The following DYNC2LI1 variants were observed in gnomAD, a reference collection of about 807,000 sequenced individuals.
The protein encoded by DYNC2LI1 is cytoplasmic dynein 2 light intermediate chain 1.
In DYNC2LI1, 45 loss-of-function variants were observed where a neutral mutation model predicts 51.9. That is an observed-to-expected ratio of 0.87 (90% CI 0.68 to 1.11). The LOEUF is 1.11. Ranked by LOEUF, DYNC2LI1 falls within the 50% of genes most tolerant of loss-of-function variation. The pLI, the probability that DYNC2LI1 is intolerant of heterozygous loss-of-function variation, is 0.00. For synonymous variants in DYNC2LI1, 130 were observed against 137.8 expected, an observed-to-expected ratio of 0.94 and a Z score of 0.40; for missense variants, 490 against 417.4, an observed-to-expected ratio of 1.17 and a Z score of -1.51.
intron 4 of DYNC2LI1, among the ~76,000 whole-genome samples, chr2:43,787,709 T>C (rs548108788): frequency 1.3e-5 from 2 of 152,286 alleles, no homozygotes; most frequent in Admixed American, 6.5e-5. Flanking sequence ...AATGTCTCTT[T>C]AGAGGAACAT....
At chr2:43,794,921 G>A in intron 6 of DYNC2LI1, 1 of 1,340,726 alleles carries the variant, frequency 7.5e-7, no homozygotes, top group South Asian at 2.2e-5. Context: ...GTTTGATATT[G>A]ATTTTATAAT....
At chr2:43,780,267 A>AT (rs889580887) in intron 2 of DYNC2LI1, among the ~76,000 whole-genome samples, 1 of 152,030 alleles carries the variant, frequency 6.6e-6, no homozygotes, top group Non-Finnish European at 1.5e-5. Context: ...GGAAGTGACC[A>AT]TGGCAGAAGC....
intron 2 of DYNC2LI1, among the ~76,000 whole-genome samples, chr2:43,781,101 T>C (rs1257631178): frequency 6.6e-6 from 1 of 152,138 alleles, no homozygotes; most frequent in African/African-American, 2.4e-5. Flanking sequence ...GCGTGGTGGC[T>C]CAAGACTGTA....
chr2:43,792,432 AACCAT>A (rs1231434215), intron 5 of DYNC2LI1, among the ~76,000 whole-genome samples: 1 of 152,196 alleles, frequency 6.6e-6, no homozygotes, highest in Non-Finnish European at 1.5e-5. Flanking sequence ...TATAATCCTA[AACCAT>A]CAAGGATTAT....
chr2:43,794,558 T>C lies in DYNC2LI1; in HGVS notation c.422T>C (p.Val141Ala), dbSNP rs953304636. The change falls in exon 6 of 13, where the codon GTG (valine) becomes GCG (alanine). Residue 141 changes from valine (V) to alanine (A), a missense_variant. By Grantham distance (64) the Val-to-Ala change is moderately conservative. Transcript: ENST00000260605. ...LQATKSHVDK[V>A]IMKLGKTNAK... is the part of the protein sequence containing the mutation. ...GCCACAAAAAGCCATGTAGACAAAG[T>C]GATAATGAAACTGGGAAAGACAAAT... 5 of 1,613,924 alleles carry C rather than the reference T, an allele frequency of 3.1e-6. No homozygotes were observed. In the African/African-American group the frequency reaches 6.7e-5, roughly 22 times the overall value.
intron 4 of DYNC2LI1, among the ~76,000 whole-genome samples, chr2:43,787,870 C>T (rs77470833): frequency 5.9e-4 from 90 of 152,220 alleles, no homozygotes; most frequent in African/African-American, 1.9e-3. Context: ...TAGAATGGAG[C>T]ATCCCGCTAC....
chr2:43,778,185 C>T (rs1264139786), intron 2 of DYNC2LI1, among the ~76,000 whole-genome samples: 1 of 152,036 alleles, frequency 6.6e-6, no homozygotes, highest in Non-Finnish European at 1.5e-5. Flanking sequence ...TTTTTTGAGA[C>T]AGGGTCTCGC....
chr2:43,788,710 C>G (rs1558676337), intron 4 of DYNC2LI1, among the ~76,000 whole-genome samples: 4 of 152,142 alleles, frequency 2.6e-5, no homozygotes, highest in Admixed American at 2.6e-4. Context: ...GCCTCAAACT[C>G]CTGGGCTCAA....
chr2:43,789,109 G>A (rs1673657951), intron 4 of DYNC2LI1, among the ~76,000 whole-genome samples: 2 of 152,180 alleles, frequency 1.3e-5, no homozygotes, highest in Non-Finnish European at 2.9e-5. Context: ...CAAATCGTCT[G>A]CTTATACTTT....
the DYNC2LI1 span, among the ~76,000 whole-genome samples, chr2:43,819,260 T>C: frequency 6.6e-6 from 1 of 152,162 alleles, no homozygotes; most frequent in Non-Finnish European, 1.5e-5. Flanking sequence ...CTGCCCTTTT[T>C]GCTGCTGCTT....
At chr2:43,798,252 A>G (rs764498799) in intron 8 of DYNC2LI1, among the ~76,000 whole-genome samples, 2 of 152,248 alleles carry the variant, frequency 1.3e-5, no homozygotes, top group Non-Finnish European at 2.9e-5. Flanking sequence ...AACTGAAAGT[A>G]ATATGTACAA....
chr2:43,794,730 A>T (rs1359556542), intron 6 of DYNC2LI1, 87 bp downstream of exon 6: 5 of 1,603,516 alleles, frequency 3.1e-6, no homozygotes, highest in Non-Finnish European at 4.3e-6. Flanking sequence ...TTAGATTTTT[A>T]TGCATGACTT....
chr2:43,823,868 G>A, the DYNC2LI1 span: 432 of 1,596,872 alleles, frequency 2.7e-4, 3 homozygotes, highest in East Asian at 9.0e-3. Context: ...GAGAAGGGAG[G>A]TATTTAGGGA....
Position 43,779,489 on chromosome 2 carries a change from G to A in DYNC2LI1, c.126+2590G>A, listed in dbSNP as rs538165267. On this transcript the variant is annotated intron_variant, in intron 2 of 12. Transcript: ENST00000260605. ...TATGCTAAGCATCCTGCTAGACACT[G>A]TGGAAACAGGAATGAAAGGCATTCT... Among the ~76,000 whole-genome samples the A allele has an allele frequency of 3.3e-5, 5 of 152,326 alleles. No individual in the cohort carries two copies. The East Asian group carries it at 9.6e-4, about 29-fold the overall frequency.
intron 10 of DYNC2LI1, among the ~76,000 whole-genome samples, chr2:43,803,197 C>T (rs1015247730): frequency 6.6e-6 from 1 of 152,102 alleles, no homozygotes. Context: ...GAAAACTTAA[C>T]TCTCACACAA....
At chr2:43,789,313 A>G (rs1214639417) in intron 4 of DYNC2LI1, among the ~76,000 whole-genome samples, 1 of 152,186 alleles carries the variant, frequency 6.6e-6, no homozygotes, top group African/African-American at 2.4e-5. Flanking sequence ...GAACGGGTTA[A>G]TTTTTATCTA....
intron 12 of DYNC2LI1, among the ~76,000 whole-genome samples, chr2:43,805,908 G>T (rs2104718220): frequency 6.7e-6 from 1 of 149,586 alleles, no homozygotes; most frequent in Middle Eastern, 3.4e-3. Context: ...TTTAAGACGA[G>T]TCTCACACTG....
chr2:43,824,135 C>T, the DYNC2LI1 span: 1 of 1,614,188 alleles, frequency 6.2e-7, no homozygotes, highest in Admixed American at 1.7e-5. Flanking sequence ...ACAAACAACC[C>T]TGTTTTAATT....
the DYNC2LI1 span, among the ~76,000 whole-genome samples, chr2:43,815,649 C>A: frequency 6.6e-6 from 1 of 152,032 alleles, no homozygotes; most frequent in Admixed American, 6.6e-5. Context: ...TCTAGGAAGG[C>A]AGAAATGGTA....
Sources: allele counts gnomAD v4.1 joint callset (sites outside exome capture counted in the v4.1 genomes callset), GRCh38; gene constraint gnomAD v4.1.1; transcripts MANE v1.5; gene names NCBI Gene and HGNC (gene_info 2026-07-23, HGNC 2026-07-21).